The following DSCAML1 variants were observed in gnomAD, a reference collection of about 807,000 sequenced individuals.
The protein encoded by DSCAML1 is cell adhesion molecule DSCAML1.
In DSCAML1, 38 loss-of-function variants were observed where a neutral mutation model predicts 200.5. The ratio of observed to expected loss-of-function variants is 0.19; its 90% CI spans 0.15 to 0.25. The LOEUF is 0.25. Among genes scored for constraint, DSCAML1 ranks in the 10% least tolerant of loss-of-function variants. The pLI is 1.00. For synonymous variants in DSCAML1, 1,215 were observed against 1,165.0 expected (o/e 1.04, Z -0.87); for missense variants, 2,223 against 2,858.8 (o/e 0.78, Z 5.07).
chr11:117,571,649 T>C (rs1276184655), intron 3 of DSCAML1, among the ~76,000 whole-genome samples: 1 of 152,192 alleles, frequency 6.6e-6, no homozygotes, highest in Non-Finnish European at 1.5e-5. Flanking sequence ...GCCCTGGGTC[T>C]GGGTCCTCAG....
At chr11:117,606,422 G>A (rs1048436173) in intron 3 of DSCAML1, among the ~76,000 whole-genome samples, 2 of 152,284 alleles carry the variant, frequency 1.3e-5, no homozygotes. Flanking sequence ...ATAGCTCTGA[G>A]GGTTAAAACA....
intron 3 of DSCAML1, among the ~76,000 whole-genome samples, chr11:117,577,707 CAGGCGTG>C (rs1476410945): frequency 6.6e-6 from 1 of 151,654 alleles, no homozygotes; most frequent in Non-Finnish European, 1.5e-5. Flanking sequence ...GCTGGGATTA[CAGGCGTG>C]AGCCACCAAG....
intron 3 of DSCAML1, among the ~76,000 whole-genome samples, chr11:117,576,907 T>C (rs2050942418): frequency 2.0e-5 from 3 of 152,208 alleles, no homozygotes; most frequent in Admixed American, 2.0e-4. Flanking sequence ...CTTATTACCA[T>C]TGATCTGCAT....
At position 117,776,951 on chromosome 11, in the gene DSCAML1, G is replaced by A; in HGVS notation, c.365-14C>T. The A allele has an allele frequency of 6.2e-7, 1 of 1,613,254 alleles. No homozygotes were observed. The highest frequency in any genetic ancestry group is 8.5e-7 in the Non-Finnish European group (1 of 1,179,906). ...GTTCCCTGAAAACTGCAGAGAGATT[G>A]GCAGTGGGGAAGAGAAGAGTGTCAC... On this transcript the variant is annotated splice_polypyrimidine_tract_variant and intron_variant, in intron 2 of 32. Coordinates refer to ENST00000651296, the MANE Select transcript of DSCAML1 (RefSeq NM_020693.4).
chr11:117,527,439 C>A (rs41326347), intron 4 of DSCAML1, among the ~76,000 whole-genome samples: 3,721 of 152,220 alleles, frequency 0.024, 156 homozygotes, highest in African/African-American at 0.082. Context: ...GGCTGCTGAA[C>A]CATAAATGTC....
intron 3 of DSCAML1, among the ~76,000 whole-genome samples, chr11:117,586,533 T>TCTC (rs1300674867): frequency 6.6e-6 from 1 of 152,154 alleles, no homozygotes; most frequent in Admixed American, 6.5e-5. Flanking sequence ...TTGACCCAGC[T>TCTC]CTCTCTGTTC....
chr11:117,805,600 A>C (rs924799070), intron 1 of DSCAML1, among the ~76,000 whole-genome samples: 1 of 152,194 alleles, frequency 6.6e-6, no homozygotes, highest in African/African-American at 2.4e-5. Flanking sequence ...TCAATCTCCA[A>C]GTGCTACAGT....
At chr11:117,625,589 G>T (rs1010502393) in intron 3 of DSCAML1, among the ~76,000 whole-genome samples, 4 of 152,208 alleles carry the variant, frequency 2.6e-5, no homozygotes, top group Non-Finnish European at 4.4e-5. Context: ...AGCGTCCAGG[G>T]CAGAGAGGAT....
In DSCAML1 at chr11:117,684,452, A is replaced by AAAAAAAAAG. The variant is rs1565872949; in HGVS notation, c.511+92330_511+92338dup. Among the ~76,000 whole-genome samples, 66 of 144,526 alleles carry AAAAAAAAAG rather than the reference A, an allele frequency of 4.6e-4. 2 individuals are homozygous for AAAAAAAAAG. The highest frequency in any genetic ancestry group is 1.0e-3 in the African/African-American group (39 of 37,620). 94.8% of individuals were successfully genotyped at this position (144,526 alleles called of 152,430 possible). A position where few individuals can be genotyped will look rare whatever the true frequency, so the allele number is the denominator to read the frequency against. ...TCATTAACTAAAAAAAAAAAAAAAA[A>AAAAAAAAAG]AAAAAAAAGAAAAAAAGAGGAAGAG... On this transcript the variant is annotated intron_variant, in intron 3 of 32. Transcript: ENST00000651296.
intron 14 of DSCAML1, 86 bp from the exon 15 acceptor site, chr11:117,472,122 T>G (rs1393604415): frequency 6.7e-6 from 10 of 1,499,818 alleles, no homozygotes; most frequent in Non-Finnish European, 9.1e-6. Context: ...AACCCAATAT[T>G]AAGTTGGATG....
At chr11:117,495,770 G>A (rs1300216795) in intron 11 of DSCAML1, among the ~76,000 whole-genome samples, 1 of 152,102 alleles carries the variant, frequency 6.6e-6, no homozygotes, top group Non-Finnish European at 1.5e-5. Context: ...TCTCAGCCTG[G>A]AGCCCTAGAT....
chr11:117,809,155 G>A (rs1278343867), intron 1 of DSCAML1, among the ~76,000 whole-genome samples: 1 of 152,266 alleles, frequency 6.6e-6, no homozygotes, highest in Non-Finnish European at 1.5e-5. Flanking sequence ...AGATTTAGGA[G>A]AGGCGACCTC....
intron 3 of DSCAML1, among the ~76,000 whole-genome samples, chr11:117,714,762 C>A (rs1006840798): frequency 5.8e-5 from 8 of 138,754 alleles, no homozygotes; most frequent in Non-Finnish European, 1.1e-4. Context: ...GTGGAGGTCG[C>A]AGTGAACCGA....
intron 3 of DSCAML1, among the ~76,000 whole-genome samples, chr11:117,655,865 C>T (rs1330625814): frequency 6.6e-6 from 1 of 152,206 alleles, no homozygotes; most frequent in Non-Finnish European, 1.5e-5. Flanking sequence ...TCCCCACCTA[C>T]AGAAAGCCAC....
chr11:117,590,601 C>G (rs1014837377), intron 3 of DSCAML1, among the ~76,000 whole-genome samples: 2 of 152,180 alleles, frequency 1.3e-5, no homozygotes, highest in African/African-American at 4.8e-5. Context: ...GAGCCAGGTC[C>G]CTGCTGTCAT....
At chr11:117,686,084 T>G (rs1411348789) in intron 3 of DSCAML1, among the ~76,000 whole-genome samples, 1 of 152,108 alleles carries the variant, frequency 6.6e-6, no homozygotes, top group Non-Finnish European at 1.5e-5. Flanking sequence ...AGAATTGAGG[T>G]ACCAGGTTCC....
chr11:117,524,836 C>A lies in DSCAML1; in HGVS notation c.906G>T (p.Ser302=), dbSNP rs767110532. The A allele has an allele frequency of 6.3e-7, 1 of 1,590,952 alleles. No homozygotes were observed. Among genetic ancestry groups the A allele is most frequent in the Admixed American group, 1.7e-5 (1 of 57,184 alleles). ...CCATGAGGATGCCTGTGGCCTCTGC[C>A]GAACCGAAGGTGTTGGTGACCTCAC... ...YICEVTNTFG[S]AEATGILMVI... The change falls in exon 5 of 33, where the codon TCG becomes TCT. Residue 302 remains serine (S), a synonymous_variant. Transcript: ENST00000651296.
At chr11:117,435,193 A>G (rs1317024662) in intron 27 of DSCAML1, among the ~76,000 whole-genome samples, 1 of 152,206 alleles carries the variant, frequency 6.6e-6, no homozygotes, top group East Asian at 1.9e-4. Flanking sequence ...AATATTTAAC[A>G]CCTGACATGG....
At chr11:117,519,369 T>G (rs1377468405) in intron 6 of DSCAML1, among the ~76,000 whole-genome samples, 2 of 152,208 alleles carry the variant, frequency 1.3e-5, no homozygotes, top group Non-Finnish European at 2.9e-5. Context: ...GTGAGGAGTC[T>G]TGGCCGGGGC....
Sources: gnomAD v4.1 joint callset for allele counts (sites outside exome capture counted in the v4.1 genomes callset) on GRCh38, gnomAD v4.1.1 for gene constraint, MANE v1.5 for transcripts, NCBI Gene and HGNC (gene_info 2026-07-23, HGNC 2026-07-21) for gene names.